PPP2R2A: variants seen among roughly 807,000 people sequenced by gnomAD.
PPP2R2A encodes protein phosphatase 2 regulatory subunit Balpha.
Under a neutral mutation model 53.2 loss-of-function variants are expected in PPP2R2A, and 9 were observed. That is an observed-to-expected ratio of 0.17 (90% confidence interval 0.10 to 0.30). PPP2R2A has a LOEUF of 0.30. Ranked by LOEUF, PPP2R2A falls within the 10% of genes least tolerant of loss-of-function variation. The pLI is 1.00. For missense variants in PPP2R2A, 235 were observed against 534.6 expected (o/e 0.44, Z 5.53); for synonymous variants, 169 against 174.2 (o/e 0.97, Z 0.23).
In PPP2R2A at chr8:26,362,742, A is replaced by G. The variant is rs1356079024; in HGVS notation, c.696A>G (p.Ala232=). ...AGCTAACAGAGGTGATTACAGCAGC[A>G]GAATTTCATCCAAACAGCTGTAACA... The part of the protein sequence containing the change: ...MEELTEVITA[A]EFHPNSCNTF... Residue 232 remains alanine, a synonymous_variant, in exon 7 of 10, where the codon GCA becomes GCG. Transcript: ENST00000380737. The surrounding 1 kb of genome is among the most constrained non-coding windows in gnomAD (Gnocchi z 4.4). 1.9e-6 allele frequency: 3 copies of G among 1,614,008 alleles called. No individual in the cohort carries two copies. In the African/African-American group the frequency reaches 4.0e-5, roughly 22 times the overall value.
chr8:26,318,500 A>G (rs1228254492), intron 2 of PPP2R2A, among the ~76,000 whole-genome samples: 2 of 152,226 alleles, frequency 1.3e-5, no homozygotes, highest in Admixed American at 1.3e-4. Context: ...AAGATTGTCT[A>G]TGAATGTATA....
intron 2 of PPP2R2A, among the ~76,000 whole-genome samples, chr8:26,299,355 A>G (rs1801681515): frequency 6.6e-6 from 1 of 152,156 alleles, no homozygotes; most frequent in Non-Finnish European, 1.5e-5. Flanking sequence ...AAAATATCAG[A>G]TGTTATTAAA....
intron 2 of PPP2R2A, among the ~76,000 whole-genome samples, chr8:26,300,228 G>A (rs1040157211): frequency 6.6e-6 from 1 of 152,132 alleles, no homozygotes; most frequent in South Asian, 2.1e-4. Context: ...TTAGTACTCT[G>A]TAATAGTGAA....
chr8:26,331,620 T>G (rs931725211), intron 2 of PPP2R2A, among the ~76,000 whole-genome samples: 6 of 152,222 alleles, frequency 3.9e-5, no homozygotes, highest in Non-Finnish European at 8.8e-5. Context: ...TACGAGTTAT[T>G]ATAGCCAGCT....
chr8:26,310,374 G>T (rs1238836354), intron 2 of PPP2R2A, among the ~76,000 whole-genome samples: 1 of 144,140 alleles, frequency 6.9e-6, no homozygotes, highest in Admixed American at 7.0e-5. Flanking sequence ...GTTAATATTT[G>T]GGCATAGATC....
At chr8:26,294,612 A>G (rs1469512485) in intron 2 of PPP2R2A, among the ~76,000 whole-genome samples, 2 of 152,212 alleles carry the variant, frequency 1.3e-5, no homozygotes, top group Admixed American at 6.5e-5. Context: ...AAATTTAAAC[A>G]TGTACTTGTG....
At chr8:26,316,860 C>T (rs1310023804) in intron 2 of PPP2R2A, among the ~76,000 whole-genome samples, 2 of 152,212 alleles carry the variant, frequency 1.3e-5, no homozygotes, top group Non-Finnish European at 2.9e-5. Context: ...CTTCCAAATA[C>T]ATCATATTAG....
intron 9 of PPP2R2A, 115 bp downstream of exon 9, chr8:26,366,521 G>A: frequency 1.4e-6 from 1 of 705,144 alleles, no homozygotes; most frequent in Non-Finnish European, 2.2e-6. Context: ...AGTAATTTTA[G>A]ATATAGCACA....
intron 4 of PPP2R2A, among the ~76,000 whole-genome samples, chr8:26,355,998 G>A (rs1011738060): frequency 6.6e-6 from 1 of 152,132 alleles, no homozygotes; most frequent in Non-Finnish European, 1.5e-5. Flanking sequence ...TTGGGGTCTT[G>A]AGTCTAAAGG....
intron 2 of PPP2R2A, among the ~76,000 whole-genome samples, chr8:26,308,822 C>T (rs552026156): frequency 4.6e-4 from 70 of 152,108 alleles, no homozygotes; most frequent in African/African-American, 1.5e-3. Context: ...GATCTTTAAG[C>T]GGAATCACTG....
At chr8:26,315,288 T>G (rs1011473065) in intron 2 of PPP2R2A, among the ~76,000 whole-genome samples, 1 of 151,962 alleles carries the variant, frequency 6.6e-6, no homozygotes, top group African/African-American at 2.4e-5. Flanking sequence ...CACTGTAGGG[T>G]GATGAGCCAG....
At chr8:26,363,428 A>G (rs771894471) in intron 7 of PPP2R2A, 10 of 236,370 alleles carry the variant, frequency 4.2e-5, no homozygotes, top group Middle Eastern at 1.3e-3. Context: ...TATTGCAGGA[A>G]TAATACCAAT....
At chr8:26,305,688 A>G (rs1801985081) in intron 2 of PPP2R2A, among the ~76,000 whole-genome samples, 1 of 152,148 alleles carries the variant, frequency 6.6e-6, no homozygotes. Context: ...AGCACTTGGC[A>G]TTTGGTATTA....
At chr8:26,320,313 T>A (rs530540275) in intron 2 of PPP2R2A, among the ~76,000 whole-genome samples, 25 of 152,338 alleles carry the variant, frequency 1.6e-4, no homozygotes, top group African/African-American at 6.0e-4. Context: ...AGGTGTCAGA[T>A]CAGCAAATAC....
intron 3 of PPP2R2A, among the ~76,000 whole-genome samples, chr8:26,350,989 TA>T (rs961146694): frequency 3.9e-5 from 6 of 152,048 alleles, no homozygotes; most frequent in Admixed American, 2.6e-4. Context: ...TCATCTTTTT[TA>T]AAAAACAAAA....
intron 9 of PPP2R2A, among the ~76,000 whole-genome samples, chr8:26,367,627 G>A (rs1317706573): frequency 6.6e-6 from 1 of 152,232 alleles, no homozygotes; most frequent in Non-Finnish European, 1.5e-5. Context: ...ACGTGCGCAT[G>A]TGCTCACATG....
At chr8:26,314,894 C>T (rs1375249821) in intron 2 of PPP2R2A, among the ~76,000 whole-genome samples, 1 of 144,008 alleles carries the variant, frequency 6.9e-6, no homozygotes, top group Non-Finnish European at 1.5e-5. Flanking sequence ...CCCTTCCCCC[C>T]CCCCCCCCCA....
At chr8:26,296,448 C>G (rs1466262095) in intron 2 of PPP2R2A, among the ~76,000 whole-genome samples, 1 of 152,222 alleles carries the variant, frequency 6.6e-6, no homozygotes, top group East Asian at 1.9e-4. Context: ...GAATGCCTGA[C>G]AATCATCCCA....
At chr8:26,367,642 T>C (rs1805451257) in intron 9 of PPP2R2A, among the ~76,000 whole-genome samples, 1 of 152,226 alleles carries the variant, frequency 6.6e-6, no homozygotes, top group Non-Finnish European at 1.5e-5. Context: ...CACATGCAAC[T>C]TGTGTGCCAC....
Sources: gnomAD v4.1 joint callset for allele counts (sites outside exome capture counted in the v4.1 genomes callset) on GRCh38, gnomAD v4.1.1 for gene constraint, Gnocchi (gnomAD v3.1) non-coding constraint, MANE v1.5 for transcripts, NCBI Gene and HGNC (gene_info 2026-07-23, HGNC 2026-07-21) for gene names.